The following CHRM3 variants were observed in gnomAD, a reference collection of about 807,000 sequenced individuals.
CHRM3 encodes the protein cholinergic receptor muscarinic 3, also known as muscarinic acetylcholine receptor M3.
CHRM3 carries 11 observed loss-of-function variants against 41.8 expected under a neutral mutation model. That is an observed-to-expected ratio of 0.26 (90% CI 0.17 to 0.44). CHRM3 has a LOEUF of 0.44. Ranked by LOEUF, CHRM3 falls within the 20% of genes least tolerant of loss-of-function variation. The pLI is 1.00. For missense variants in CHRM3, 571 were observed against 745.4 expected, an observed-to-expected ratio of 0.77 and a Z score of 2.72; for synonymous variants, 297 against 301.4, an observed-to-expected ratio of 0.99 and a Z score of 0.15.
intron 2 of CHRM3, among the ~76,000 whole-genome samples, chr1:239,520,053 A>G (rs1669539000): frequency 6.6e-6 from 1 of 152,110 alleles, no homozygotes; most frequent in Non-Finnish European, 1.5e-5. Context: ...CTGTCTCCTA[A>G]GGCTCGAAAT....
At chr1:239,486,951 A>G (rs146347784) in intron 1 of CHRM3, among the ~76,000 whole-genome samples, 3 of 152,324 alleles carry the variant, frequency 2.0e-5, no homozygotes, top group African/African-American at 7.2e-5. Context: ...ATGAAGAACC[A>G]TTTGCTCTAT....
chr1:239,472,125 C>T (rs1011392418), intron 1 of CHRM3, among the ~76,000 whole-genome samples: 1 of 152,134 alleles, frequency 6.6e-6, no homozygotes. Context: ...TGATTGCAAG[C>T]TTATTAGCCT....
At chr1:239,426,147 TC>T (rs1288990200) in intron 1 of CHRM3, among the ~76,000 whole-genome samples, 10,683 of 23,306 alleles carry the variant, frequency 0.46, 1,866 homozygotes, top group Middle Eastern at 0.61. Flanking sequence ...CCCTCCCCCC[TC>T]CCCCCTCCCC....
At chr1:239,482,106 T>C (rs1666894979) in intron 1 of CHRM3, among the ~76,000 whole-genome samples, 1 of 152,162 alleles carries the variant, frequency 6.6e-6, no homozygotes, top group African/African-American at 2.4e-5. Flanking sequence ...ACACCTCACC[T>C]ATGTTCTTGC....
rs545745428 is a variant in CHRM3 at position 239,904,081 on chromosome 1, T to C, written c.-19-3352T>C. ...TACATTATTTATAATAAAACCAGCA[T>C]GGCATAAGTCCTGAAAATGGGGCTA... On this transcript the variant is annotated intron_variant, in intron 6 of 6. Transcript: ENST00000676153. Among the ~76,000 whole-genome samples the C allele has an allele frequency of 2.6e-5, 4 of 152,276 alleles. No homozygotes were observed. The East Asian group carries it at 7.7e-4, about 29-fold the overall frequency.
chr1:239,678,493 T>C (rs1658226349), intron 5 of CHRM3, among the ~76,000 whole-genome samples: 1 of 152,190 alleles, frequency 6.6e-6, no homozygotes, highest in African/African-American at 2.4e-5. Flanking sequence ...CTTGGTTATA[T>C]GATAAGCTCA....
intron 6 of CHRM3, among the ~76,000 whole-genome samples, chr1:239,883,781 ATAAG>A (rs1466784889): frequency 6.6e-6 from 1 of 152,218 alleles, no homozygotes; most frequent in Non-Finnish European, 1.5e-5. Flanking sequence ...AAATATAAAC[ATAAG>A]TAAAGGAACT....
At chr1:239,859,819 T>TTATATATATA (rs55700294) in intron 6 of CHRM3, among the ~76,000 whole-genome samples, 7,917 of 130,014 alleles carry the variant, frequency 0.061, 302 homozygotes, top group Admixed American at 0.074. Flanking sequence ...TCTAAGTGTT[T>TTATATATATA]TATATATATA....
intron 2 of CHRM3, among the ~76,000 whole-genome samples, chr1:239,494,180 A>G (rs1375616416): frequency 2.6e-5 from 4 of 152,194 alleles, no homozygotes; most frequent in Non-Finnish European, 5.9e-5. Flanking sequence ...GAATGGGGTG[A>G]TAACTTCCTG....
chr1:239,848,203 C>A (rs184206946), intron 6 of CHRM3, among the ~76,000 whole-genome samples: 6 of 152,198 alleles, frequency 3.9e-5, no homozygotes, highest in African/African-American at 1.4e-4. Flanking sequence ...AGCTCTGACT[C>A]AGCTAAGGAG....
intron 5 of CHRM3, among the ~76,000 whole-genome samples, chr1:239,718,085 A>T (rs1662573009): frequency 6.6e-6 from 1 of 152,084 alleles, no homozygotes; most frequent in Admixed American, 6.6e-5. Flanking sequence ...GAAAGATGAC[A>T]GTGCATGTTA....
chr1:239,519,942 TTTCCCCGTGTTAGCCCGGATGGTC>T (rs1218019593), intron 2 of CHRM3, among the ~76,000 whole-genome samples: 1 of 151,858 alleles, frequency 6.6e-6, no homozygotes, highest in Non-Finnish European at 1.5e-5. Flanking sequence ...AGAGACGGGG[TTTCCCCGTGTTAGCCCGGATGGTC>T]TCGATCTCCT....
chr1:239,908,567 G>A lies in CHRM3; in HGVS notation c.1116G>A (p.Pro372=), dbSNP rs138859152. 2.9e-5 allele frequency: 46 copies of A among 1,589,614 alleles called. No individual in the cohort carries two copies. The East Asian group carries it at 5.2e-4, about 18-fold the overall frequency. ...TCTACTCCATCGTGCTCAAGCTTCCGGGTCACAGCACCATCCTCAACTCCA... is the reference window on the plus strand; with the variant it reads ...TCTACTCCATCGTGCTCAAGCTTCCAGGTCACAGCACCATCCTCAACTCCA... ...RAIYSIVLKL[P]GHSTILNSTK... Residue 372 remains proline, a synonymous_variant, in exon 7 of 7, where the codon CCG becomes CCA. Transcript: ENST00000676153. This position sits in a 1 kb window ranked among gnomAD's most constrained non-coding sequence, Gnocchi z 7.2.
At chr1:239,430,667 C>T (rs572294587) in intron 1 of CHRM3, among the ~76,000 whole-genome samples, 14 of 137,464 alleles carry the variant, frequency 1.0e-4, no homozygotes, top group Non-Finnish European at 2.2e-4. Context: ...TGTGTGCACA[C>T]ATACTAGATA....
intron 4 of CHRM3, among the ~76,000 whole-genome samples, chr1:239,650,729 C>T (rs1335358822): frequency 6.6e-6 from 1 of 152,152 alleles, no homozygotes; most frequent in East Asian, 1.9e-4. Context: ...TGGGAACATA[C>T]AAGAGCAAAT....
At chr1:239,866,383 G>C (rs1676108068) in intron 6 of CHRM3, among the ~76,000 whole-genome samples, 4 of 151,216 alleles carry the variant, frequency 2.6e-5, no homozygotes, top group Non-Finnish European at 4.4e-5. Flanking sequence ...CTGGGCGACA[G>C]AGCAAGACCC....
chr1:239,649,178 T>C (rs958443545), intron 4 of CHRM3, among the ~76,000 whole-genome samples: 2 of 152,220 alleles, frequency 1.3e-5, no homozygotes, highest in African/African-American at 4.8e-5. Context: ...TGTGAGAAGA[T>C]AGGGCCTTTG....
intron 3 of CHRM3, among the ~76,000 whole-genome samples, chr1:239,577,121 T>C (rs1662441501): frequency 6.6e-6 from 1 of 152,310 alleles, no homozygotes; most frequent in African/African-American, 2.4e-5. Context: ...AGGACTAGAA[T>C]CCAGAAGCTT....
chr1:239,894,653 G>T (rs919773107), intron 6 of CHRM3, among the ~76,000 whole-genome samples: 5 of 151,474 alleles, frequency 3.3e-5, no homozygotes, highest in African/African-American at 9.7e-5. Flanking sequence ...GGCTGGTCTC[G>T]AACTCATGCG....
Sources: allele counts gnomAD v4.1 joint callset (sites outside exome capture counted in the v4.1 genomes callset), GRCh38; gene constraint gnomAD v4.1.1; non-coding constraint Gnocchi (gnomAD v3.1); transcripts MANE v1.5; gene names NCBI Gene and HGNC (gene_info 2026-07-23, HGNC 2026-07-21).